The following OR14I1 variants were observed in gnomAD, a reference collection of about 807,000 sequenced individuals.
OR14I1 encodes olfactory receptor family 14 subfamily I member 1.
For synonymous variants in OR14I1, 118 were observed against 71.1 expected (o/e 1.66, Z -3.32); for missense variants, 279 against 181.8 (o/e 1.53, Z -3.07).
the OR14I1 span, among the ~76,000 whole-genome samples, chr1:248,688,831 C>T: frequency 6.6e-6 from 1 of 152,200 alleles, no homozygotes; most frequent in Non-Finnish European, 1.5e-5. Context: ...AAGACTCATT[C>T]TTACAAATGT....
chr1:248,687,120 G>A (rs930525300), upstream of OR14I1, among the ~76,000 whole-genome samples: 1 of 152,192 alleles, frequency 6.6e-6, no homozygotes, highest in African/African-American at 2.4e-5. Flanking sequence ...AGTCCGTGAG[G>A]AAGTGATGAG....
At chr1:248,695,240 T>TG in the OR14I1 span, among the ~76,000 whole-genome samples, 65 of 146,356 alleles carry the variant, frequency 4.4e-4, no homozygotes, top group African/African-American at 1.3e-3. Context: ...TTTTTTTTTT[T>TG]TTTTTTTTTT....
At chr1:248,689,529 C>T in the OR14I1 span, among the ~76,000 whole-genome samples, 1 of 152,170 alleles carries the variant, frequency 6.6e-6, no homozygotes, top group Non-Finnish European at 1.5e-5. Flanking sequence ...AGGAAATTTA[C>T]CCATAATCTT....
the OR14I1 span, among the ~76,000 whole-genome samples, chr1:248,687,377 T>C: frequency 6.6e-6 from 1 of 152,222 alleles, no homozygotes; most frequent in Non-Finnish European, 1.5e-5. Context: ...GTATTGCACA[T>C]AGACTCTCAG....
At chr1:248,684,753 CAT>C (rs5782531), upstream of OR14I1, among the ~76,000 whole-genome samples, 129,707 of 148,294 alleles carry the variant, frequency 0.87, 58,556 homozygotes, top group Non-Finnish European at 0.98. Context: ...AATACACACA[CAT>C]ACATATATAT....
exon 1 of OR14I1, chr1:248,681,551 T>G: frequency 1.3e-6 from 1 of 780,944 alleles, no homozygotes; most frequent in South Asian, 1.3e-5. Context: ...AAGAGCCCTG[T>G]GGTAAGAAAG....
exon 1 of OR14I1, chr1:248,681,467 G>A: frequency 1.3e-6 from 1 of 780,982 alleles, no homozygotes; most frequent in Non-Finnish European, 2.4e-6. Context: ...AGGAAGGGAG[G>A]CAAAACTGTG....
At chr1:248,688,271 T>G in the OR14I1 span, among the ~76,000 whole-genome samples, 1 of 152,218 alleles carries the variant, frequency 6.6e-6, no homozygotes, top group Non-Finnish European at 1.5e-5. Context: ...AAAAGCACTT[T>G]AAAGGCAAGG....
At chr1:248,687,014 G>A (rs1029274422), upstream of OR14I1, among the ~76,000 whole-genome samples, 1 of 152,150 alleles carries the variant, frequency 6.6e-6, no homozygotes, top group African/African-American at 2.4e-5. Context: ...CCTGGGGGAC[G>A]CTGGTCTCAG....
At chr1:248,697,896 C>T in the OR14I1 span, among the ~76,000 whole-genome samples, 3 of 152,178 alleles carry the variant, frequency 2.0e-5, no homozygotes, top group African/African-American at 7.2e-5. Flanking sequence ...CAAGCTTAAA[C>T]TTTCTTCAAA....
chr1:248,679,110 T>C (rs971433555), downstream of OR14I1, among the ~76,000 whole-genome samples: 1 of 152,170 alleles, frequency 6.6e-6, no homozygotes, highest in Non-Finnish European at 1.5e-5. Flanking sequence ...CCTAGAAATT[T>C]ACTTAATGGA....
the OR14I1 span, among the ~76,000 whole-genome samples, chr1:248,690,842 A>G: frequency 1.3e-5 from 2 of 152,150 alleles, no homozygotes; most frequent in Non-Finnish European, 2.9e-5. Context: ...GAAAATCCTC[A>G]ATAAAATACT....
At chr1:248,679,321 G>T (rs1268087274), downstream of OR14I1, among the ~76,000 whole-genome samples, 1 of 151,960 alleles carries the variant, frequency 6.6e-6, no homozygotes, top group African/African-American at 2.4e-5. Context: ...TGGGGAGTGT[G>T]TGCTGATTGG....
the OR14I1 span, among the ~76,000 whole-genome samples, chr1:248,698,085 C>T: frequency 2.6e-5 from 4 of 152,194 alleles, no homozygotes; most frequent in Admixed American, 6.5e-5. Context: ...TTTACCTGCT[C>T]ACTTCCTCCT....
chr1:248,678,530 C>A (rs1348094114), downstream of OR14I1, among the ~76,000 whole-genome samples: 1 of 152,146 alleles, frequency 6.6e-6, no homozygotes, highest in Non-Finnish European at 1.5e-5. Flanking sequence ...ATCCACAGGA[C>A]AAACAGGAAG....
chr1:248,695,477 C>T, the OR14I1 span, among the ~76,000 whole-genome samples: 1 of 152,114 alleles, frequency 6.6e-6, no homozygotes, highest in Non-Finnish European at 1.5e-5. Context: ...TCGTGATCCA[C>T]CTGCGTCTGC....
the OR14I1 span, among the ~76,000 whole-genome samples, chr1:248,691,380 T>C: frequency 6.6e-6 from 1 of 152,212 alleles, no homozygotes. Context: ...GGTGCCAGAA[T>C]TGCACTAGAT....
downstream of OR14I1, among the ~76,000 whole-genome samples, chr1:248,681,142 T>G (rs950649666): frequency 3.3e-5 from 5 of 152,044 alleles, no homozygotes; most frequent in Non-Finnish European, 5.9e-5. Context: ...CCTTGAAATA[T>G]TTTATGAAGG....
chr1:248,699,790 G>A, the OR14I1 span, among the ~76,000 whole-genome samples: 5 of 152,132 alleles, frequency 3.3e-5, no homozygotes, highest in East Asian at 1.9e-4. Context: ...ACAGAGTCTC[G>A]CTCTATCGCC....
Sources: gnomAD v4.1 joint callset for allele counts (sites outside exome capture counted in the v4.1 genomes callset) on GRCh38, gnomAD v4.1.1 for gene constraint, MANE v1.5 for transcripts, NCBI Gene and HGNC (gene_info 2026-07-23, HGNC 2026-07-21) for gene names.